CWF19L1: variants seen among roughly 807,000 people sequenced by gnomAD.
CWF19L1 encodes CWF19-like protein 1.
A neutral mutation model predicts 69.7 loss-of-function variants in CWF19L1; 60 were observed. The observed-to-expected ratio is 0.86, with a 90% confidence interval of 0.70 to 1.07. The LOEUF (loss-of-function observed/expected upper bound fraction) is 1.07. Among genes scored for constraint, CWF19L1 ranks in the 50% least tolerant of loss-of-function variants. The pLI is 0.00. For missense variants in CWF19L1, 591 were observed against 638.9 expected (o/e 0.92, Z 0.81); for synonymous variants, 209 against 222.2 (o/e 0.94, Z 0.53).
intron 6 of CWF19L1, among the ~76,000 whole-genome samples, chr10:100,251,763 G>A (rs1050717886): frequency 1.3e-5 from 2 of 151,866 alleles, no homozygotes; most frequent in Admixed American, 1.3e-4. Flanking sequence ...TGCCTGCCTC[G>A]GCCTCCCAAA....
intron 10 of CWF19L1, among the ~76,000 whole-genome samples, chr10:100,242,309 G>A (rs1846662511): frequency 6.6e-6 from 1 of 152,166 alleles, no homozygotes; most frequent in South Asian, 2.1e-4. Flanking sequence ...CCACTACTAA[G>A]CAAAACTGAA....
At position 100,250,260 on chromosome 10, in the gene CWF19L1, T is replaced by C; in HGVS notation, c.696A>G (p.Pro232=). The part of the protein sequence containing the change: ...RFIALANVGN[P]EKKKYLYAFS... ...GGTAAATCTTTACCTTTTTCTTTTC[T>C]GGATTTCCAACATTTGCCAGAGCTA... The change falls in exon 7 of 14, where the codon CCA becomes CCG. Residue 232 remains proline (P), a synonymous_variant. Transcript: ENST00000354105. 1 of 1,607,858 alleles carries C rather than the reference T, an allele frequency of 6.2e-7. No individual in the cohort carries two copies. Among genetic ancestry groups the C allele is most frequent in the Non-Finnish European group, 8.5e-7 (1 of 1,174,484 alleles).
intron 7 of CWF19L1, 24 bp from the exon 8 acceptor site, chr10:100,246,959 A>G: frequency 6.4e-7 from 1 of 1,574,332 alleles, no homozygotes; most frequent in South Asian, 1.1e-5. Context: ...GAACATAATG[A>G]CATTAGGGGA....
At chr10:100,251,907 G>A (rs1237667490) in intron 6 of CWF19L1, among the ~76,000 whole-genome samples, 3 of 152,064 alleles carry the variant, frequency 2.0e-5, no homozygotes, top group Non-Finnish European at 4.4e-5. Flanking sequence ...TTCTGTTTTC[G>A]CAGTATATTT....
chr10:100,233,704 C>A (rs1846346935), intron 13 of CWF19L1, among the ~76,000 whole-genome samples: 1 of 152,176 alleles, frequency 6.6e-6, no homozygotes, highest in Non-Finnish European at 1.5e-5. Context: ...TTGCCACTTG[C>A]TATCTATGAT....
At chr10:100,256,707 G>A (rs781420945) in intron 4 of CWF19L1, among the ~76,000 whole-genome samples, 10 of 152,148 alleles carry the variant, frequency 6.6e-5, no homozygotes, top group Non-Finnish European at 1.5e-4. Flanking sequence ...TGGAGCCCAC[G>A]GGCCAGTATG....
chr10:100,267,637 A>C lies in CWF19L1; in HGVS notation c.-44T>G. 2.5e-6 allele frequency: 4 copies of C among 1,612,890 alleles called. No individual in the cohort carries two copies. Among genetic ancestry groups the C allele is most frequent in the Non-Finnish European group, 3.4e-6 (4 of 1,178,850 alleles). Reference sequence around the variant, plus strand: ...TTGCGACTGCCACCTAAAATTGGGAATGCGAATCCGCGCTCCCCGGAAAAA... The same window carrying C: ...TTGCGACTGCCACCTAAAATTGGGACTGCGAATCCGCGCTCCCCGGAAAAA... On this transcript the variant is annotated 5_prime_UTR_variant, in exon 1 of 14. Coordinates refer to ENST00000354105, the MANE Select transcript of CWF19L1 (RefSeq NM_018294.6).
rs1329364192 is a variant in CWF19L1 at position 100,243,778 on chromosome 10, C to T, written c.965-1G>A. 1 of 1,613,862 alleles carries T rather than the reference C, an allele frequency of 6.2e-7. No individual in the cohort carries two copies. Among genetic ancestry groups the T allele is most frequent in the Admixed American group, 1.7e-5 (1 of 60,018 alleles). The stretch of plus-strand genomic sequence containing the variant: ...AACCAGCAGGGTCCTGGAGGCTGAG[C>T]TTCATGTAAAAGAAAGCCAGGTGTT... On this transcript the variant is annotated splice_acceptor_variant, in intron 9 of 13. Coordinates refer to ENST00000354105, the MANE Select transcript of CWF19L1 (RefSeq NM_018294.6). LOFTEE classifies it high-confidence loss of function.
chr10:100,266,691 T>TGTGTGTG (rs893665375), intron 1 of CWF19L1, among the ~76,000 whole-genome samples: 13 of 146,584 alleles, frequency 8.9e-5, no homozygotes, highest in South Asian at 8.8e-4. Flanking sequence ...AATTTTTTTT[T>TGTGTGTG]TTTGTATTAG....
In CWF19L1 at chr10:100,256,461, A is replaced by G; in HGVS notation, c.305T>C (p.Phe102Ser). Residue 102 changes from phenylalanine to serine, a missense_variant, in exon 5 of 14, where the codon TTC becomes TCC. Physicochemically the swap from Phe to Ser is radical, Grantham distance 155. This residue lies in a region of CWF19L1 where 129 missense variants were observed against 131.3 expected (regional missense o/e 0.98). Transcript: ENST00000354105. ...AATCTGCAGCCCCGAGCTTCCAGTG[A>G]AGATACCTTTACGACCTGGGTTCAA... ...NITYLGRKGI[F>S]TGSSGLQIVY... 6.2e-7 allele frequency: 1 copy of G among 1,614,222 alleles called. No individual in the cohort carries two copies. Among genetic ancestry groups the G allele is most frequent in the Non-Finnish European group, 8.5e-7 (1 of 1,180,026 alleles).
intron 1 of CWF19L1, among the ~76,000 whole-genome samples, chr10:100,263,567 G>A (rs979130592): frequency 8.5e-5 from 13 of 152,164 alleles, no homozygotes; most frequent in African/African-American, 2.9e-4. Context: ...TGTTCCCATA[G>A]GAGCCTGCAT....
rs565775036 is a variant in CWF19L1, at chr10:100,260,647, C to T, written c.187+319G>A. ...AAGCAATTCTCCTGCCTCAGTCTCCCGAGGAGCTGGGATTACAGGCATGCG... is the reference window on the plus strand; with the variant it reads ...AAGCAATTCTCCTGCCTCAGTCTCCTGAGGAGCTGGGATTACAGGCATGCG... On this transcript the variant is annotated intron_variant, in intron 3 of 13. Transcript: ENST00000354105. 2.7e-3 allele frequency among the ~76,000 whole-genome samples: 403 copies of T among 152,060 alleles called. 2 individuals are homozygous for T. The highest frequency in any genetic ancestry group is 9.3e-3 in the African/African-American group (387 of 41,494).
intron 2 of CWF19L1, 55 bp downstream of exon 2, chr10:100,261,924 T>C: frequency 1.3e-6 from 2 of 1,493,138 alleles, no homozygotes; most frequent in African/African-American, 1.4e-5. Context: ...GCAAACTTTA[T>C]TTTTATGTGT....
chr10:100,260,753 C>T (rs1274937415), intron 3 of CWF19L1, among the ~76,000 whole-genome samples: 2 of 152,144 alleles, frequency 1.3e-5, no homozygotes, highest in Admixed American at 1.3e-4. Context: ...GAACCCCTGA[C>T]CTCAGGTGAT....
chr10:100,248,325 G>A (rs570580379), intron 7 of CWF19L1: 22 of 1,241,554 alleles, frequency 1.8e-5, no homozygotes, highest in South Asian at 7.2e-5. Context: ...TGCAGGAGAC[G>A]TGGTGAACTC....
chr10:100,253,795 T>C, intron 5 of CWF19L1: 1 of 371,462 alleles, frequency 2.7e-6, no homozygotes, highest in Non-Finnish European at 4.8e-6. Flanking sequence ...TCCATATCAA[T>C]ACCCAAAACA....
At chr10:100,252,954 C>T (rs1335321417) in intron 6 of CWF19L1, among the ~76,000 whole-genome samples, 7 of 151,726 alleles carry the variant, frequency 4.6e-5, no homozygotes, top group African/African-American at 1.5e-4. Flanking sequence ...TGTGTATATA[C>T]TGTGGGATGG....
chr10:100,254,127 C>T (rs1847133127), intron 5 of CWF19L1: 1 of 152,322 alleles, frequency 6.6e-6, no homozygotes, highest in Non-Finnish European at 1.5e-5. Flanking sequence ...GATCCGCCCG[C>T]CTCAGCCTCC....
chr10:100,237,995 C>A, intron 11 of CWF19L1, 27 bp downstream of exon 11: 1 of 1,606,402 alleles, frequency 6.2e-7, no homozygotes, highest in Non-Finnish European at 8.5e-7. Flanking sequence ...TAGCGCCCTT[C>A]CAAGTTTCTA....
Sources: gnomAD v4.1 joint callset for allele counts (sites outside exome capture counted in the v4.1 genomes callset) on GRCh38, gnomAD v4.1.1 for gene constraint, gnomAD v4.1.1 regional missense constraint, MANE v1.5 for transcripts, NCBI Gene and HGNC (gene_info 2026-07-23, HGNC 2026-07-21) for gene names.